TSPAN18: variants seen among roughly 807,000 people sequenced by gnomAD.
TSPAN18 encodes tetraspanin-18.
In TSPAN18, 14 loss-of-function variants were observed where a neutral mutation model predicts 27.3. That is an observed-to-expected ratio of 0.51 (90% CI 0.34 to 0.80). TSPAN18 has a LOEUF of 0.80. Ranked by LOEUF, TSPAN18 falls within the 30% of genes least tolerant of loss-of-function variation. The pLI, the probability that TSPAN18 is intolerant of heterozygous loss-of-function variation, is 0.01. For synonymous variants in TSPAN18, 143 were observed against 136.5 expected, an observed-to-expected ratio of 1.05 and a Z score of -0.33; for missense variants, 268 against 323.9, an observed-to-expected ratio of 0.83 and a Z score of 1.32.
At chr11:44,755,703 T>C (rs1001553095) in intron 1 of TSPAN18, among the ~76,000 whole-genome samples, 2 of 152,094 alleles carry the variant, frequency 1.3e-5, no homozygotes, top group African/African-American at 2.4e-5. Flanking sequence ...CAACAAGCAA[T>C]GCATCAGGCT....
Position 44,817,181 on chromosome 11 carries a change from T to G in TSPAN18, c.-152-43147T>G, listed in dbSNP as rs147876683. On this transcript the variant is annotated intron_variant, in intron 2 of 9. Transcript: ENST00000520358. The stretch of plus-strand genomic sequence containing the variant: ...AGCTGATGGCATGCACGGTGGGCCA[T>G]CCTGGGTTCCAGCTCTGGCTTTGCT... 3.3e-3 allele frequency among the ~76,000 whole-genome samples: 502 copies of G among 152,338 alleles called. 6 individuals carry two copies. Among genetic ancestry groups the G allele is most frequent in the African/African-American group, 0.012 (481 of 41,576 alleles).
At position 44,919,760 on chromosome 11, in the gene TSPAN18, C is replaced by CCCCG. The variant is rs750679796; in HGVS notation, c.433-53_433-50dup. On this transcript the variant is annotated intron_variant, in intron 7 of 9. Transcript: ENST00000520358. Reference sequence around the variant, plus strand: ...GCAGAGGCTGTATGTCCTTCTCTGTCCCCGCCCCTGTGTCCTCCTCCTGCC... The same window carrying CCCCG: ...GCAGAGGCTGTATGTCCTTCTCTGTCCCCGCCCGCCCCTGTGTCCTCCTCCTGCC... 1,215 of 1,556,116 alleles carry CCCCG rather than the reference C, an allele frequency of 7.8e-4. 1 individual carries two copies. The highest frequency in any genetic ancestry group is 7.8e-4 in the Non-Finnish European group (881 of 1,128,058).
rs533678603 is a variant in TSPAN18, at chr11:44,779,153, C to G, written c.-153+14641C>G. On this transcript the variant is annotated intron_variant, in intron 2 of 9. Transcript: ENST00000520358. ...GCCCTTTTTGGCAAGGGAGAGGCCTCCATTGTGCTCCGTTTCCTTCTAGGT... is the reference window on the plus strand; with the variant it reads ...GCCCTTTTTGGCAAGGGAGAGGCCTGCATTGTGCTCCGTTTCCTTCTAGGT... Among the ~76,000 whole-genome samples, 5 of 152,146 alleles carry G rather than the reference C, an allele frequency of 3.3e-5. No individual in the cohort carries two copies. The East Asian group carries it at 9.7e-4, about 29-fold the overall frequency.
At chr11:44,787,815 G>A (rs956471630) in intron 2 of TSPAN18, among the ~76,000 whole-genome samples, 1 of 152,046 alleles carries the variant, frequency 6.6e-6, no homozygotes, top group African/African-American at 2.4e-5. Flanking sequence ...CCTTTTTTGC[G>A]AGGGTGCTCT....
chr11:44,731,836 G>A (rs1854669150), intron 1 of TSPAN18, among the ~76,000 whole-genome samples: 1 of 152,064 alleles, frequency 6.6e-6, no homozygotes, highest in Admixed American at 6.5e-5. Context: ...GCAGTTGAGG[G>A]ATGATATTTC....
In TSPAN18 at chr11:44,919,276, C is replaced by T. The variant is rs776055177; in HGVS notation, c.396C>T (p.Asp132=). The T allele has an allele frequency of 9.3e-6, 15 of 1,614,040 alleles. No individual in the cohort carries two copies. The highest frequency in any genetic ancestry group is 1.6e-4 in the Middle Eastern group (1 of 6,084). The change falls in exon 7 of 10, where the codon GAC becomes GAT. Residue 132 remains aspartate (D), a synonymous_variant. Transcript: ENST00000520358. ...TKHYQGNNDT[D]VFSATWNSVM... ...ACTACCAGGGCAATAACGACACAGA[C>T]GTCTTCTCTGCCACCTGGAACTCGG...
rs371587292 is a variant in TSPAN18, at chr11:44,909,800, G to C, written c.159G>C (p.Thr53=). 11 of 1,614,020 alleles carry C rather than the reference G, an allele frequency of 6.8e-6. No homozygotes were observed. Among genetic ancestry groups the C allele is most frequent in the South Asian group, 1.1e-5 (1 of 91,076 alleles). Residue 53 remains threonine (T), a synonymous_variant, in exon 5 of 10, where the codon ACG becomes ACC. Coordinates refer to ENST00000520358, the MANE Select transcript of TSPAN18 (RefSeq NM_130783.5). ...EIVAANPLLL[T]GAYILLAMGG... ...TGGCTGCCAATCCTCTGCTCCTCAC[G>C]GGCGCCTACATCCTCCTGGCCATGG... is the stretch of plus-strand genomic sequence containing the variant.
At chr11:44,740,119 G>C (rs1854897025) in intron 1 of TSPAN18, among the ~76,000 whole-genome samples, 1 of 152,170 alleles carries the variant, frequency 6.6e-6, no homozygotes, top group Admixed American at 6.5e-5. Flanking sequence ...TGGTTGCCTG[G>C]CCCTCTCCGA....
In TSPAN18 at chr11:44,765,676, C is replaced by T. The variant is rs562286789; in HGVS notation, c.-153+1164C>T. 6.6e-5 allele frequency among the ~76,000 whole-genome samples: 10 copies of T among 152,300 alleles called. No homozygotes were observed. In the East Asian group the frequency reaches 1.9e-3, roughly 29 times the overall value. ...TGAGTAATGTCATCGAGATTTGAAGCCACTGCCTGAACTGCCATACAATTC... is the reference window on the plus strand; with the variant it reads ...TGAGTAATGTCATCGAGATTTGAAGTCACTGCCTGAACTGCCATACAATTC... On this transcript the variant is annotated intron_variant, in intron 2 of 9. Transcript: ENST00000520358.
intron 2 of TSPAN18, among the ~76,000 whole-genome samples, chr11:44,795,202 G>A (rs549641509): frequency 3.3e-5 from 5 of 151,716 alleles, no homozygotes; most frequent in African/African-American, 9.7e-5. Context: ...GGCCAGTTCC[G>A]GTCCTCACGC....
At chr11:44,778,691 C>T (rs1362669636) in intron 2 of TSPAN18, among the ~76,000 whole-genome samples, 2 of 152,168 alleles carry the variant, frequency 1.3e-5, no homozygotes, top group African/African-American at 2.4e-5. Flanking sequence ...TTCCATTAAG[C>T]GTGTGTGCAC....
chr11:44,891,719 G>A (rs751651304), intron 3 of TSPAN18, among the ~76,000 whole-genome samples: 3 of 152,256 alleles, frequency 2.0e-5, no homozygotes, highest in South Asian at 2.1e-4. Flanking sequence ...ACACAGGGAC[G>A]CTTTGGAGCA....
intron 2 of TSPAN18, among the ~76,000 whole-genome samples, chr11:44,787,805 C>T (rs1856093874): frequency 6.6e-6 from 1 of 152,168 alleles, no homozygotes; most frequent in African/African-American, 2.4e-5. Context: ...CTGTAGCAGT[C>T]CTTTTTTGCG....
At chr11:44,805,814 G>A (rs961692731) in intron 2 of TSPAN18, among the ~76,000 whole-genome samples, 3 of 152,040 alleles carry the variant, frequency 2.0e-5, no homozygotes, top group African/African-American at 4.8e-5. Flanking sequence ...TTGGCATTCC[G>A]TGGTTTGTAG....
chr11:44,837,941 T>G (rs1339326109), intron 2 of TSPAN18, among the ~76,000 whole-genome samples: 1 of 152,260 alleles, frequency 6.6e-6, no homozygotes, highest in Non-Finnish European at 1.5e-5. Flanking sequence ...CTCATTTTAT[T>G]GTGATATTTG....
chr11:44,802,314 T>G, intron 2 of TSPAN18, among the ~76,000 whole-genome samples: 1 of 144,812 alleles, frequency 6.9e-6, no homozygotes, highest in African/African-American at 2.6e-5. Context: ...CACAAAGTGG[T>G]TGAGGTGGGT....
At chr11:44,921,484 A>G (rs1233379421) in intron 8 of TSPAN18, among the ~76,000 whole-genome samples, 2 of 152,146 alleles carry the variant, frequency 1.3e-5, no homozygotes, top group African/African-American at 2.4e-5. Flanking sequence ...TAGACCATGT[A>G]ACCGAGTTCT....
At chr11:44,727,453 T>C (rs929506277) in intron 1 of TSPAN18, among the ~76,000 whole-genome samples, 166 bp downstream of exon 1, 1 of 152,118 alleles carries the variant, frequency 6.6e-6, no homozygotes, top group Admixed American at 6.5e-5. Context: ...CCACTCAAAC[T>C]AGCACGCGGG....
At position 44,727,163 on chromosome 11, in the gene TSPAN18, C is replaced by T. The variant is rs1207450705; in HGVS notation, c.-364C>T. ...CCGCCTCGCGCTGCGGGTCCCCGGA[C>T]GCGCCGCCACCGCCGGGAAGGCAGC... On this transcript the variant is annotated 5_prime_UTR_variant, in exon 1 of 10. It adds an upstream start codon to the 5' untranslated region. Coordinates refer to ENST00000520358, the MANE Select transcript of TSPAN18 (RefSeq NM_130783.5). The T allele has an allele frequency of 1.1e-4, 16 of 149,934 alleles. No individual in the cohort carries two copies. The highest frequency in any genetic ancestry group is 7.3e-4 in the Admixed American group (11 of 15,008). The allele number at this position is 149,934 out of a possible 1,614,324, so 9.3% of individuals were successfully genotyped here. A position where few individuals can be genotyped will look rare whatever the true frequency, so the allele number is the denominator to read the frequency against.
Sources: gnomAD v4.1 joint callset for allele counts (sites outside exome capture counted in the v4.1 genomes callset) on GRCh38, gnomAD v4.1.1 for gene constraint, MANE v1.5 for transcripts, NCBI Gene and HGNC (gene_info 2026-07-23, HGNC 2026-07-21) for gene names.